Variants in CCN6 observed in about 807,000 individuals in gnomAD.
The protein encoded by CCN6 is CCN family member 6.
A neutral mutation model predicts 37.4 loss-of-function variants in CCN6; 31 were observed. The ratio of observed to expected loss-of-function variants is 0.83; its 90% CI spans 0.62 to 1.12. CCN6 has a LOEUF of 1.12. CCN6 is among the 50% of genes most tolerant of loss of function. The pLI is 0.00. For missense variants in CCN6, 369 were observed against 413.8 expected (o/e 0.89, Z 0.94); for synonymous variants, 137 against 142.1 (o/e 0.96, Z 0.26).
chr6:112,054,610 T>C (rs1562592216), intron 1 of CCN6: 1 of 592,550 alleles, frequency 1.7e-6, no homozygotes, highest in Non-Finnish European at 3.0e-6. Flanking sequence ...TGTAAAACAT[T>C]TCTCCCTTTC....
chr6:112,054,547 A>G (rs1003701794), intron 1 of CCN6, 142 bp downstream of exon 1: 65 of 763,836 alleles, frequency 8.5e-5, no homozygotes, highest in Non-Finnish European at 1.4e-4. Flanking sequence ...ATAGGAAGCC[A>G]TTTTTCTTTC....
chr6:112,060,507 G>T (rs1776480971), intron 1 of CCN6, among the ~76,000 whole-genome samples: 1 of 152,196 alleles, frequency 6.6e-6, no homozygotes, highest in African/African-American at 2.4e-5. Context: ...ATAGGGAAGT[G>T]TGTGGAAGAG....
At chr6:112,067,173 C>CTTT in intron 3 of CCN6, 1 of 436,916 alleles carries the variant, frequency 2.3e-6, no homozygotes, top group Non-Finnish European at 3.3e-6. Context: ...ATGAAGAAGG[C>CTTT]TTTTTTTTTT....
chr6:112,065,588 G>GCA lies in CCN6; in HGVS notation c.589+602_589+603dup, dbSNP rs66974002. Among the ~76,000 whole-genome samples the GCA allele has an allele frequency of 1.3e-3, 143 of 107,670 alleles. 1 individual carries two copies. The highest frequency in any genetic ancestry group is 1.8e-3 in the Admixed American group (21 of 11,854). 70.6% of individuals were successfully genotyped at this position (107,670 alleles called of 152,430 possible). ...AACACACACACACAAACACACACAC[G>GCA]CACACACACACAAACACACACGCAC... On this transcript the variant is annotated intron_variant, in intron 3 of 4. Coordinates refer to ENST00000368666, the MANE Select transcript of CCN6 (RefSeq NM_198239.2).
At chr6:112,055,323 A>G (rs1277261252) in intron 1 of CCN6, among the ~76,000 whole-genome samples, 1 of 152,224 alleles carries the variant, frequency 6.6e-6, no homozygotes, top group Non-Finnish European at 1.5e-5. Flanking sequence ...TGTGCCTCCT[A>G]TTCCACTGTT....
At chr6:112,063,716 A>C (rs1554313307) in intron 2 of CCN6, among the ~76,000 whole-genome samples, 1 of 152,220 alleles carries the variant, frequency 6.6e-6, no homozygotes, top group African/African-American at 2.4e-5. Flanking sequence ...CATCTTCAAA[A>C]AAAATTTCCA....
rs1191112133 is a variant in CCN6, at chr6:112,064,608, T to C, written c.347-147T>C. ...TTTAGAAACCTTTCTACAGATGTCCTGTGAAGGAGGTTCCAAATGGAACCT... is the reference window on the plus strand; with the variant it reads ...TTTAGAAACCTTTCTACAGATGTCCCGTGAAGGAGGTTCCAAATGGAACCT... On this transcript the variant is annotated intron_variant, in intron 2 of 4. Transcript: ENST00000368666. The C allele has an allele frequency of 2.4e-6, 3 of 1,256,762 alleles. No homozygotes were observed. In the African/African-American group the frequency reaches 4.4e-5, roughly 19 times the overall value. The allele number at this position is 1,256,762 out of a possible 1,614,324, so 77.9% of individuals were successfully genotyped here.
chr6:112,065,638 A>C (rs973912404), intron 3 of CCN6, among the ~76,000 whole-genome samples: 1 of 137,358 alleles, frequency 7.3e-6, no homozygotes, highest in African/African-American at 2.8e-5. Flanking sequence ...ACACACACAC[A>C]CACACAAACA....
chr6:112,067,043 G>A (rs1055247721), intron 3 of CCN6: 5 of 1,365,794 alleles, frequency 3.7e-6, no homozygotes, highest in African/African-American at 3.0e-5. Flanking sequence ...GTATCTTCAC[G>A]TTTCTGCTTC....
At position 112,061,257 on chromosome 6, in the gene CCN6, C is replaced by T. The variant is rs781928388; in HGVS notation, c.315C>T (p.Asp105=). 1 of 1,614,188 alleles carries T rather than the reference C, an allele frequency of 6.2e-7. No homozygotes were observed. The highest frequency in any genetic ancestry group is 1.1e-5 in the South Asian group (1 of 91,086). Residue 105 remains aspartate, a synonymous_variant, in exon 2 of 5, where the codon GAC becomes GAT. Coordinates refer to ENST00000368666, the MANE Select transcript of CCN6 (RefSeq NM_198239.2). ...HKGLYCDYSV[D]RPRYETGVCA... is the part of the protein sequence containing the mutation. ...GGCTGTATTGTGACTACTCAGTAGA[C>T]AGGCCTAGGTACGAGACTGGAGTGT...
upstream of CCN6, chr6:112,054,090 G>A: frequency 3.2e-6 from 2 of 625,592 alleles, no homozygotes; most frequent in Admixed American, 4.6e-5. Context: ...GTCCCGGGAG[G>A]AAAGTGCTCG....
intron 3 of CCN6, among the ~76,000 whole-genome samples, chr6:112,065,600 AAACACACACGCAC>A (rs1776661451): frequency 6.8e-6 from 1 of 147,326 alleles, no homozygotes; most frequent in African/African-American, 2.6e-5. Flanking sequence ...ACACACACAC[AAACACACACGCAC>A]ACACACACGC....
intron 1 of CCN6, chr6:112,059,908 C>G: frequency 7.7e-7 from 1 of 1,292,820 alleles, no homozygotes; most frequent in Non-Finnish European, 1.0e-6. Flanking sequence ...GTGGTAAACT[C>G]TACGGTGAAA....
At chr6:112,065,599 CAA>C (rs1491296481) in intron 3 of CCN6, among the ~76,000 whole-genome samples, 52 of 71,962 alleles carry the variant, frequency 7.2e-4, no homozygotes, top group African/African-American at 3.6e-3. Flanking sequence ...CACACACACA[CAA>C]ACACACACGC....
At chr6:112,064,046 C>T (rs1554313376) in intron 2 of CCN6, among the ~76,000 whole-genome samples, 1 of 152,048 alleles carries the variant, frequency 6.6e-6, no homozygotes, top group East Asian at 1.9e-4. Context: ...AAGTACCTGG[C>T]AAGGAAAAAT....
intron 1 of CCN6, among the ~76,000 whole-genome samples, chr6:112,056,352 A>G (rs1300807627): frequency 6.6e-6 from 1 of 152,176 alleles, no homozygotes; most frequent in Non-Finnish European, 1.5e-5. Context: ...CACTGGCTAT[A>G]TAATTCTGGA....
chr6:112,054,520 G>A, intron 1 of CCN6, 115 bp downstream of exon 1: 1 of 979,150 alleles, frequency 1.0e-6, no homozygotes, highest in Non-Finnish European at 1.6e-6. Context: ...ATGGCTTGTG[G>A]AACTACTTCA....
intron 1 of CCN6, among the ~76,000 whole-genome samples, chr6:112,056,258 G>A (rs782447106): frequency 3.3e-5 from 5 of 152,132 alleles, no homozygotes; most frequent in Non-Finnish European, 7.4e-5. Flanking sequence ...TTCTTGTGAG[G>A]CAGATCAGCT....
chr6:112,068,244 T>A lies in CCN6; in HGVS notation c.629T>A (p.Leu210His). 6.2e-7 allele frequency: 1 copy of A among 1,610,592 alleles called. No individual in the cohort carries two copies. The highest frequency in any genetic ancestry group is 8.5e-7 in the Non-Finnish European group (1 of 1,178,934). ...NLPLIWKKKC[L>H]VQATKWTPCS... Reference sequence around the variant, plus strand: ...CCACTTATTTGGAAAAAAAAATGTCTTGTGCAAGCAACAAAATGGACTCCC... The same window carrying A: ...CCACTTATTTGGAAAAAAAAATGTCATGTGCAAGCAACAAAATGGACTCCC... The change falls in exon 4 of 5, where the codon CTT becomes CAT. Residue 210 changes from leucine to histidine, a missense_variant. Leu to His is a moderately conservative substitution (Grantham distance 99). Coordinates refer to ENST00000368666, the MANE Select transcript of CCN6 (RefSeq NM_198239.2).
Sources: allele counts gnomAD v4.1 joint callset (sites outside exome capture counted in the v4.1 genomes callset), GRCh38; gene constraint gnomAD v4.1.1; transcripts MANE v1.5; gene names NCBI Gene and HGNC (gene_info 2026-07-23, HGNC 2026-07-21).